Variants in CPNE2 observed in about 807,000 individuals in gnomAD.
CPNE2 encodes copine 2.
A neutral mutation model predicts 69.7 loss-of-function variants in CPNE2; 42 were observed. The observed-to-expected ratio is 0.60, with a 90% CI of 0.47 to 0.78. The LOEUF (loss-of-function observed/expected upper bound fraction) is 0.78. Ranked by LOEUF, CPNE2 falls within the 30% of genes least tolerant of loss-of-function variation. The pLI is 0.00. For missense variants in CPNE2, 587 were observed against 732.0 expected (o/e 0.80, Z 2.29); for synonymous variants, 294 against 289.8 (o/e 1.01, Z -0.15).
In CPNE2 at chr16:57,119,179, C is replaced by T. The variant is rs773727287; in HGVS notation, c.508-16C>T. 1.9e-5 allele frequency: 30 copies of T among 1,611,882 alleles called. No individual in the cohort carries two copies. The East Asian group carries it at 5.1e-4, about 28-fold the overall frequency. ...GGGCTGTACCTCTCTCACCCGCATC[C>T]TCCCACTTCTCCCAGGACCTCTTTG... On this transcript the variant is annotated splice_polypyrimidine_tract_variant and intron_variant, in intron 5 of 15. Coordinates refer to ENST00000290776, the MANE Select transcript of CPNE2 (RefSeq NM_152727.6).
In CPNE2 at chr16:57,133,078, C is replaced by G. The variant is rs1380861333; in HGVS notation, c.1117-1697C>G. Among the ~76,000 whole-genome samples, 5 of 152,284 alleles carry G rather than the reference C, an allele frequency of 3.3e-5. No individual in the cohort carries two copies. The East Asian group carries it at 9.7e-4, about 29-fold the overall frequency. On this transcript the variant is annotated intron_variant, in intron 12 of 15. Coordinates refer to ENST00000290776, the MANE Select transcript of CPNE2 (RefSeq NM_152727.6). ...ACTTTGGCCCAAGGGAGTCCTGTTT[C>G]CCTGGCAACCATTTTCTCTCTCAGC...
chr16:57,119,246 G>T lies in CPNE2; in HGVS notation c.559G>T (p.Asp187Tyr). The change falls in exon 6 of 16, where the codon GAT (aspartate) becomes TAT (tyrosine). Residue 187 changes from aspartate (D) to tyrosine (Y), a missense_variant. Coordinates refer to ENST00000290776, the MANE Select transcript of CPNE2 (RefSeq NM_152727.6). The stretch of plus-strand genomic sequence containing the variant: ...TCTGGAGTTTTATAAGCCAGGAGAC[G>T]ATGGCAAGTGGATGCTGGTCCACAG... ...PFLEFYKPGDDGKWMLVHRTE... is the reference protein window; with the variant it reads ...PFLEFYKPGDYGKWMLVHRTE... 6.2e-7 allele frequency: 1 copy of T among 1,614,150 alleles called. No individual in the cohort carries two copies. Among genetic ancestry groups the T allele is most frequent in the South Asian group, 1.1e-5 (1 of 91,084 alleles).
intron 12 of CPNE2, among the ~76,000 whole-genome samples, chr16:57,129,574 T>C (rs1407342132): frequency 6.6e-6 from 1 of 152,140 alleles, no homozygotes; most frequent in Non-Finnish European, 1.5e-5. Flanking sequence ...TCCCAGCACT[T>C]TGGGACGCTG....
At chr16:57,115,589 C>T in intron 4 of CPNE2, 39 bp downstream of exon 4, 3 of 1,456,646 alleles carry the variant, frequency 2.1e-6, no homozygotes, top group Non-Finnish European at 2.9e-6. Context: ...CCCCTCCATC[C>T]CCACCCCACA....
intron 1 of CPNE2, among the ~76,000 whole-genome samples, chr16:57,107,496 C>T (rs1419555436): frequency 6.6e-6 from 1 of 152,144 alleles, no homozygotes; most frequent in Non-Finnish European, 1.5e-5. Flanking sequence ...CTGCATCTGC[C>T]CAGCAAGAGG....
intron 1 of CPNE2, among the ~76,000 whole-genome samples, chr16:57,102,665 G>A (rs1364526813): frequency 2.0e-5 from 3 of 150,484 alleles, no homozygotes; most frequent in African/African-American, 7.3e-5. Flanking sequence ...GCAGTGGCAC[G>A]ATCTCAGCTC....
Position 57,119,652 on chromosome 16 carries a change from T to A in CPNE2, c.681+2T>A. On this transcript the variant is annotated splice_donor_variant, in intron 7 of 15. Transcript: ENST00000290776. LOFTEE classifies it high-confidence loss of function. ...GGGGACATGGAGAAGCCCATCCAGG[T>A]GAGGGGGCTCTGGGGACCCTGCTCC... is the stretch of plus-strand genomic sequence containing the variant. The A allele has an allele frequency of 6.2e-7, 1 of 1,602,504 alleles. No individual in the cohort carries two copies. The highest frequency in any genetic ancestry group is 8.5e-7 in the Non-Finnish European group (1 of 1,174,698).
chr16:57,134,123 C>T (rs1435408475), intron 12 of CPNE2, among the ~76,000 whole-genome samples: 1 of 152,204 alleles, frequency 6.6e-6, no homozygotes, highest in Non-Finnish European at 1.5e-5. Context: ...GCAGCAGTGT[C>T]CCGGAGTGTC....
chr16:57,123,322 C>T, intron 9 of CPNE2, 92 bp from the exon 10 acceptor site: 1 of 1,320,420 alleles, frequency 7.6e-7, no homozygotes, highest in Non-Finnish European at 1.1e-6. Context: ...CCTCCTTGTC[C>T]CTACTGAGGT....
intron 1 of CPNE2, chr16:57,093,823 G>A: frequency 3.0e-6 from 1 of 331,196 alleles, no homozygotes; most frequent in Non-Finnish European, 5.9e-6. Context: ...CAGCTTCACG[G>A]ACTGCAGGGA....
rs1341185329 is a variant in CPNE2 at position 57,146,074 on chromosome 16, C to T, written c.1303-11C>T. On this transcript the variant is annotated splice_polypyrimidine_tract_variant and intron_variant, in intron 14 of 15. Coordinates refer to ENST00000290776, the MANE Select transcript of CPNE2 (RefSeq NM_152727.6). The surrounding 1 kb of genome is among the most constrained non-coding windows in gnomAD (Gnocchi z 4.4). ...ACCTTGCTGAGTGCCCCGTTGGCCC[C>T]CTCCCTGCAGCAGTACTTCATCCTC... 14 of 1,601,088 alleles carry T rather than the reference C, an allele frequency of 8.7e-6. No homozygotes were observed. The highest frequency in any genetic ancestry group is 1.2e-5 in the Non-Finnish European group (14 of 1,173,248).
In CPNE2 at chr16:57,130,470, G is replaced by C. The variant is rs2069829882; in HGVS notation, c.1116+2567G>C. ...GGGGGCAGAGCAGGGAGGAAGTGAA[G>C]GAGGGAGGGGCAGAAAGCAAACCCA... On this transcript the variant is annotated intron_variant, in intron 12 of 15. Coordinates refer to ENST00000290776, the MANE Select transcript of CPNE2 (RefSeq NM_152727.6). The surrounding 1 kb of genome is among the most constrained non-coding windows in gnomAD (Gnocchi z 4.1). 6.6e-6 allele frequency among the ~76,000 whole-genome samples: 1 copy of C among 152,154 alleles called. No homozygotes were observed. The highest frequency in any genetic ancestry group is 6.5e-5 in the Admixed American group (1 of 15,270).
At chr16:57,136,117 G>A (rs914053622) in intron 13 of CPNE2, among the ~76,000 whole-genome samples, 1 of 152,108 alleles carries the variant, frequency 6.6e-6, no homozygotes, top group Non-Finnish European at 1.5e-5. Context: ...AAAACTCTGA[G>A]TGGAGGAGAG....
intron 14 of CPNE2, among the ~76,000 whole-genome samples, chr16:57,138,247 T>G (rs1221148791): frequency 2.0e-5 from 3 of 152,168 alleles, no homozygotes; most frequent in Non-Finnish European, 2.9e-5. Context: ...AGAAGAGGGT[T>G]GCTGAAGTCA....
intron 12 of CPNE2, among the ~76,000 whole-genome samples, chr16:57,129,939 G>A (rs776023513): frequency 1.3e-5 from 2 of 152,202 alleles, no homozygotes; most frequent in African/African-American, 2.4e-5. Flanking sequence ...TTGCTAGGGA[G>A]ACAGGTGGAG....
At chr16:57,120,477 T>TA (rs1245806530) in intron 7 of CPNE2, among the ~76,000 whole-genome samples, 1 of 150,156 alleles carries the variant, frequency 6.7e-6, no homozygotes, top group African/African-American at 2.5e-5. Flanking sequence ...ATCAAATAAA[T>TA]AAAAAATAAA....
chr16:57,115,664 C>A, intron 4 of CPNE2, 114 bp downstream of exon 4: 1 of 699,958 alleles, frequency 1.4e-6, no homozygotes. Context: ...AGTAAAAAGG[C>A]CCAACTTACA....
intron 9 of CPNE2, 93 bp downstream of exon 9, chr16:57,121,853 T>A: frequency 8.1e-7 from 1 of 1,228,942 alleles, no homozygotes; most frequent in Non-Finnish European, 1.2e-6. Flanking sequence ...CAGCGAGGCC[T>A]GTGTTCAAAT....
intron 1 of CPNE2, among the ~76,000 whole-genome samples, chr16:57,107,846 C>T (rs932559873): frequency 2.0e-5 from 3 of 150,630 alleles, no homozygotes; most frequent in Admixed American, 6.6e-5. Context: ...GAGCCCTGCA[C>T]GGGCTAAGAC....
Sources: allele counts gnomAD v4.1 joint callset (sites outside exome capture counted in the v4.1 genomes callset), GRCh38; gene constraint gnomAD v4.1.1; non-coding constraint Gnocchi (gnomAD v3.1); transcripts MANE v1.5; gene names NCBI Gene and HGNC (gene_info 2026-07-23, HGNC 2026-07-21).